The following CLPB variants were observed in gnomAD, a reference collection of about 807,000 sequenced individuals.
CLPB encodes mitochondrial disaggregase.
CLPB carries 40 observed loss-of-function variants against 78.4 expected under a neutral mutation model. The observed-to-expected ratio is 0.51, with a 90% CI of 0.40 to 0.66. The LOEUF (loss-of-function observed/expected upper bound fraction) is 0.66, where lower values mean the gene tolerates loss of function less well. Ranked by LOEUF, CLPB falls within the 30% of genes least tolerant of loss-of-function variation. CLPB has a pLI of 0.00. For synonymous variants in CLPB, 333 were observed against 348.0 expected (o/e 0.96, Z 0.48); for missense variants, 780 against 886.9 (o/e 0.88, Z 1.53).
At chr11:72,294,240 T>C (rs1348203120) in intron 14 of CLPB, 85 bp downstream of exon 14, 5 of 1,584,378 alleles carry the variant, frequency 3.2e-6, no homozygotes, top group East Asian at 4.6e-5. Context: ...CCACCTTTTA[T>C]GTGTGTGGGG....
intron 6 of CLPB, among the ~76,000 whole-genome samples, chr11:72,324,791 G>T (rs1950103125): frequency 6.6e-6 from 1 of 152,104 alleles, no homozygotes; most frequent in Non-Finnish European, 1.5e-5. Context: ...CCTCCTGTGT[G>T]CTCCCCCTCT....
chr11:72,425,141 G>A (rs568613235), intron 2 of CLPB, among the ~76,000 whole-genome samples: 42 of 152,280 alleles, frequency 2.8e-4, no homozygotes, highest in African/African-American at 9.9e-4. Flanking sequence ...TTGCTAATCT[G>A]GAGCATATAT....
In CLPB at chr11:72,379,947, T is replaced by C. The variant is rs146391578; in HGVS notation, c.646+334A>G. Reference sequence around the variant, plus strand: ...CATGCAGTTGCCTTAATTATTTTACTGAAATCTGCTCCGTTGTCCACTCAT... The same window carrying C: ...CATGCAGTTGCCTTAATTATTTTACCGAAATCTGCTCCGTTGTCCACTCAT... On this transcript the variant is annotated intron_variant, in intron 4 of 15. Coordinates refer to ENST00000538039, the MANE Select transcript of CLPB (RefSeq NM_001258392.3). Among the ~76,000 whole-genome samples, 1,011 of 152,336 alleles carry C rather than the reference T, an allele frequency of 6.6e-3. 11 individuals carry two copies. Among genetic ancestry groups the C allele is most frequent in the African/African-American group, 0.023 (968 of 41,582 alleles).
chr11:72,389,798 TGCCTGTAGTTCCAGCTACTCGGGAG>T (rs1855192068), intron 3 of CLPB, among the ~76,000 whole-genome samples: 1 of 152,044 alleles, frequency 6.6e-6, no homozygotes, highest in African/African-American at 2.4e-5. Flanking sequence ...TGGTGGCACA[TGCCTGTAGTTCCAGCTACTCGGGAG>T]GATCGCTTGA....
chr11:72,408,054 T>C, intron 2 of CLPB: 1 of 1,284,366 alleles, frequency 7.8e-7, no homozygotes, highest in Non-Finnish European at 1.1e-6. Context: ...TCATAGGAGT[T>C]TTAGGAGGCA....
chr11:72,334,350 T>C (rs113220071), intron 5 of CLPB, among the ~76,000 whole-genome samples: 1,561 of 152,248 alleles, frequency 0.01, 31 homozygotes, highest in East Asian at 0.063. Context: ...AGGCTCCACC[T>C]GACCATTCAC....
At chr11:72,431,034 C>T (rs1404954060) in intron 1 of CLPB, among the ~76,000 whole-genome samples, 1 of 152,206 alleles carries the variant, frequency 6.6e-6, no homozygotes, top group Non-Finnish European at 1.5e-5. Flanking sequence ...GTTGAGACGT[C>T]TGCAAACTCC....
chr11:72,294,339 A>G lies in CLPB; in HGVS notation c.1666T>C (p.Phe556Leu), dbSNP rs1949509947. The G allele has an allele frequency of 1.2e-6, 2 of 1,614,096 alleles. No individual in the cohort carries two copies. Among genetic ancestry groups the G allele is most frequent in the Admixed American group, 3.3e-5 (2 of 60,008 alleles). Residue 556 changes from phenylalanine (F) to leucine (L), a missense_variant, in exon 14 of 16, where the codon TTC (phenylalanine) becomes CTC (leucine). By Grantham distance (22) the Phe-to-Leu change is conservative. This residue lies in a region of CLPB where 272 missense variants were observed against 304.0 expected (regional missense o/e 0.89). Transcript: ENST00000538039. ...TTCCCTCTTACTCTCTTGGCCCAGAAGTTTAGTTCCTTGTTGACGAGTTGG... is the reference window on the plus strand; with the variant it reads ...TTCCCTCTTACTCTCTTGGCCCAGAGGTTTAGTTCCTTGTTGACGAGTTGG... ...LIQLVNKELN[F>L]WAKRAKQRHN... is the part of the protein sequence containing the mutation.
At chr11:72,295,451 GC>G (rs1306018098) in intron 12 of CLPB, 40 bp downstream of exon 12, 1 of 1,598,394 alleles carries the variant, frequency 6.3e-7, no homozygotes, top group Admixed American at 1.7e-5. Flanking sequence ...TAGGCTGGTG[GC>G]TTGGTCACTG....
rs1856646683 is a variant in CLPB at position 72,434,277 on chromosome 11, A to G, written c.198T>C (p.Arg66=). 2 of 1,611,792 alleles carry G rather than the reference A, an allele frequency of 1.2e-6. No individual in the cohort carries two copies. Among genetic ancestry groups the G allele is most frequent in the African/African-American group, 2.7e-5 (2 of 74,552 alleles). The change falls in exon 1 of 16, where the codon CGT becomes CGC. Residue 66 remains arginine (R), a synonymous_variant. Transcript: ENST00000538039. ...CCTGGCGCCCCCCGGTGGCTGCCCC[A>G]CGTCCGGAGAACAAGGCCGGCGATG... The part of the protein sequence containing the change: ...PGTSPALFSG[R]GAATGGRQGG...
Position 72,286,173 on chromosome 11 carries a change from C to T in CLPB, c.*7194G>A, listed in dbSNP as rs1399465182. The T allele has an allele frequency of 6.9e-6, 1 of 144,796 alleles. No individual in the cohort carries two copies. Among genetic ancestry groups the T allele is most frequent in the East Asian group, 2.0e-4 (1 of 4,896 alleles). 9.0% of individuals were successfully genotyped at this position (144,796 alleles called of 1,614,324 possible). A position where few individuals can be genotyped will look rare whatever the true frequency, so the allele number is the denominator to read the frequency against. Reference sequence around the variant, plus strand: ...TCCTGGGCTCAAGCAGTCCACCTGCCTTGACCCCTCAGTGTTCTGTTGAGA... The same window carrying T: ...TCCTGGGCTCAAGCAGTCCACCTGCTTTGACCCCTCAGTGTTCTGTTGAGA... On this transcript the variant is annotated 3_prime_UTR_variant, in exon 16 of 16. Coordinates refer to ENST00000538039, the MANE Select transcript of CLPB (RefSeq NM_001258392.3).
At chr11:72,357,344 TA>T (rs1009404135) in intron 5 of CLPB, among the ~76,000 whole-genome samples, 2 of 152,094 alleles carry the variant, frequency 1.3e-5, no homozygotes, top group Admixed American at 6.5e-5. Context: ...TGAAGACTGG[TA>T]TTTGGAAAAG....
At chr11:72,412,700 C>G (rs1423762390) in intron 2 of CLPB, among the ~76,000 whole-genome samples, 1 of 152,120 alleles carries the variant, frequency 6.6e-6, no homozygotes, top group Non-Finnish European at 1.5e-5. Flanking sequence ...GCTGAGATGA[C>G]CAAAGGAAAT....
intron 5 of CLPB, among the ~76,000 whole-genome samples, chr11:72,347,369 A>C (rs1950535285): frequency 6.6e-6 from 1 of 152,230 alleles, no homozygotes; most frequent in South Asian, 2.1e-4. Flanking sequence ...AGGTGGGAGG[A>C]TCACTTGAGC....
chr11:72,401,540 C>T (rs1377386005), intron 3 of CLPB, among the ~76,000 whole-genome samples: 1 of 152,132 alleles, frequency 6.6e-6, no homozygotes, highest in East Asian at 1.9e-4. Flanking sequence ...AAGAACAAGT[C>T]CACAACAAAG....
At chr11:72,429,791 T>C (rs1856492375) in intron 2 of CLPB, among the ~76,000 whole-genome samples, 1 of 152,240 alleles carries the variant, frequency 6.6e-6, no homozygotes, top group African/African-American at 2.4e-5. Flanking sequence ...CACTGGAGAC[T>C]AGCTGAGCCA....
At chr11:72,393,491 G>T (rs1181658165) in intron 3 of CLPB, among the ~76,000 whole-genome samples, 1 of 152,088 alleles carries the variant, frequency 6.6e-6, no homozygotes, top group Non-Finnish European at 1.5e-5. Flanking sequence ...TTCCCATTTT[G>T]CAGATGGGTA....
chr11:72,307,260 A>G lies in CLPB; in HGVS notation c.1067-6T>C. The G allele has an allele frequency of 1.9e-6, 3 of 1,613,836 alleles. No individual in the cohort carries two copies. Among genetic ancestry groups the G allele is most frequent in the Non-Finnish European group, 2.5e-6 (3 of 1,179,830 alleles). ...CTTGGCCAGCTCTGTTTTTCCTAGT[A>G]AGAAAGAAGGGGGAGGTGTTGGGTT... On this transcript the variant is annotated splice_region_variant and splice_polypyrimidine_tract_variant and intron_variant, in intron 8 of 15. Coordinates refer to ENST00000538039, the MANE Select transcript of CLPB (RefSeq NM_001258392.3).
chr11:72,410,446 T>C (rs1457322184), intron 2 of CLPB, among the ~76,000 whole-genome samples: 1 of 152,104 alleles, frequency 6.6e-6, no homozygotes, highest in African/African-American at 2.4e-5. Context: ...GAAGAGACAG[T>C]GAGAAAAAAT....
Sources: gnomAD v4.1 joint callset for allele counts (sites outside exome capture counted in the v4.1 genomes callset) on GRCh38, gnomAD v4.1.1 for gene constraint, gnomAD v4.1.1 regional missense constraint, MANE v1.5 for transcripts, NCBI Gene and HGNC (gene_info 2026-07-23, HGNC 2026-07-21) for gene names.